Variants in PIGV observed in about 807,000 individuals in gnomAD.
PIGV encodes phosphatidylinositol glycan anchor biosynthesis class V.
In PIGV, 27 loss-of-function variants were observed where a neutral mutation model predicts 39.2. That is an observed-to-expected ratio of 0.69 (90% CI 0.51 to 0.95). The LOEUF (loss-of-function observed/expected upper bound fraction) is 0.95, where lower values mean the gene tolerates loss of function less well. Ranked by LOEUF, PIGV falls within the 40% of genes least tolerant of loss-of-function variation. PIGV has a pLI of 0.00. For synonymous variants in PIGV, 232 were observed against 241.7 expected (o/e 0.96, Z 0.37); for missense variants, 523 against 586.4 (o/e 0.89, Z 1.12).
chr1:26,790,422 CAG>C (rs1359159179), intron 1 of PIGV, among the ~76,000 whole-genome samples: 2 of 151,982 alleles, frequency 1.3e-5, no homozygotes, highest in Non-Finnish European at 2.9e-5. Context: ...AACTGAGGCT[CAG>C]AGGGACTAAT....
At chr1:26,793,999 C>A in intron 2 of PIGV, 114 bp from the exon 3 acceptor site, 2 of 979,712 alleles carry the variant, frequency 2.0e-6, no homozygotes, top group Non-Finnish European at 1.6e-6. Context: ...CCCATCTCAG[C>A]CTGCCAAAGT....
intron 1 of PIGV, 56 bp from the exon 2 acceptor site, chr1:26,790,703 G>A (rs1055453121): frequency 3.7e-6 from 3 of 819,886 alleles, no homozygotes; most frequent in Admixed American, 3.9e-5. Flanking sequence ...AGTGACGAAT[G>A]CTTTCAAGAA....
In PIGV at chr1:26,794,122, A is replaced by G. The variant is rs2081347319; in HGVS notation, c.88A>G (p.Asn30Asp). The change falls in exon 3 of 4, where the codon AAT (asparagine) becomes GAT (aspartate). Residue 30 changes from asparagine (N) to aspartate (D), a missense_variant. Physicochemically the swap from Asn to Asp is conservative, Grantham distance 23. Transcript: ENST00000674202. ...ILTLMLQALFNAIIPDHHAEA... is the reference protein window; with the variant it reads ...ILTLMLQALFDAIIPDHHAEA... Reference sequence around the variant, plus strand: ...TTTCTTTACTCCACAGGCCCTCTTCAATGCCATCATCCCAGATCACCATGC... The same window carrying G: ...TTTCTTTACTCCACAGGCCCTCTTCGATGCCATCATCCCAGATCACCATGC... The G allele has an allele frequency of 1.2e-6, 2 of 1,614,178 alleles. No homozygotes were observed. The highest frequency in any genetic ancestry group is 1.7e-6 in the Non-Finnish European group (2 of 1,180,016).
In PIGV at chr1:26,794,648, A is replaced by G. The variant is rs766452597; in HGVS notation, c.614A>G (p.Asn205Ser). 1.3e-5 allele frequency: 21 copies of G among 1,614,102 alleles called. No homozygotes were observed. Among genetic ancestry groups the G allele is most frequent in the African/African-American group, 2.7e-5 (2 of 74,930 alleles). The stretch of plus-strand genomic sequence containing the variant: ...GCCTTTGCCACTGGGGTACGCTCCA[A>G]CGGGCTGGTCAGTGTTGGCTTCCTC... ...LFAFATGVRS[N>S]GLVSVGFLMH... The change falls in exon 3 of 4, where the codon AAC becomes AGC. Residue 205 changes from asparagine to serine, a missense_variant. By Grantham distance (46) the Asn-to-Ser change is conservative. Transcript: ENST00000674202.
At chr1:26,796,692 G>A (rs1236858813) in intron 3 of PIGV, among the ~76,000 whole-genome samples, 3 of 152,138 alleles carry the variant, frequency 2.0e-5, no homozygotes, top group African/African-American at 7.2e-5. Flanking sequence ...TAAGCACGGA[G>A]GATATCTCTG....
In PIGV at chr1:26,799,474, C is replaced by T. The variant is rs531944585; in HGVS notation, c.*1630C>T. Among the ~76,000 whole-genome samples, 17 of 152,268 alleles carry T rather than the reference C, an allele frequency of 1.1e-4. No homozygotes were observed. The East Asian group carries it at 3.3e-3, about 29-fold the overall frequency. ...CACCTCTTTTATTTCCCATTTAAGC[C>T]AAAACATCCAGTAAGCAGAAACTCT... On this transcript the variant is annotated 3_prime_UTR_variant, in exon 4 of 4. Coordinates refer to ENST00000674202, the MANE Select transcript of PIGV (RefSeq NM_017837.4).
At chr1:26,797,518 G>A in intron 3 of PIGV, 45 bp from the exon 4 acceptor site, 1 of 1,577,926 alleles carries the variant, frequency 6.3e-7, no homozygotes, top group South Asian at 1.1e-5. Flanking sequence ...TTGAGTCAGT[G>A]ACATTCCAGT....
At position 26,794,747 on chromosome 1, in the gene PIGV, T is replaced by C; in HGVS notation, c.713T>C (p.Met238Thr). 3 of 1,614,258 alleles carry C rather than the reference T, an allele frequency of 1.9e-6. No individual in the cohort carries two copies. Among genetic ancestry groups the C allele is most frequent in the Non-Finnish European group, 2.5e-6 (3 of 1,180,040 alleles). ...CCTCTGAGACAGCTCTTTAAGCTGA[T>C]GGCCTCTCTGTTTCTGTCGGTGTTC... ...LNPLRQLFKLMASLFLSVFTL... is the reference protein window; with the variant it reads ...LNPLRQLFKLTASLFLSVFTL... Residue 238 changes from methionine to threonine, a missense_variant, in exon 3 of 4, where the codon ATG becomes ACG. Physicochemically the swap from Met to Thr is moderately conservative, Grantham distance 81 (BLOSUM62 -1). Transcript: ENST00000674202.
At chr1:26,791,003 T>C in intron 2 of PIGV, 110 bp downstream of exon 2, 1 of 882,602 alleles carries the variant, frequency 1.1e-6, no homozygotes, top group African/African-American at 1.6e-5. Context: ...CTCCATGTGG[T>C]TGGAACCACA....
rs1161107353 is a variant in PIGV, at chr1:26,798,623, C to T, written c.*779C>T. Among the ~76,000 whole-genome samples, 1 of 152,208 alleles carries T rather than the reference C, an allele frequency of 6.6e-6. No homozygotes were observed. The highest frequency in any genetic ancestry group is 1.5e-5 in the Non-Finnish European group (1 of 68,044). On this transcript the variant is annotated 3_prime_UTR_variant, in exon 4 of 4. Transcript: ENST00000674202. ...TCGGGAGGCTGAGGCATGAGAATTGCTTGAACTTGGAAGGCGGAGGTTTCA... is the reference window on the plus strand; with the variant it reads ...TCGGGAGGCTGAGGCATGAGAATTGTTTGAACTTGGAAGGCGGAGGTTTCA...
Position 26,794,689 on chromosome 1 carries a change from C to T in PIGV, c.655C>T (p.Gln219Ter). The T allele has an allele frequency of 1.2e-6, 2 of 1,614,180 alleles. No individual in the cohort carries two copies. The highest frequency in any genetic ancestry group is 1.7e-6 in the Non-Finnish European group (2 of 1,180,034). ...SVGFLMHSQC[Q>*]GFFSSLTMLN... is the part of the protein sequence containing the mutation. ...TGGCTTCCTCATGCATTCTCAATGC[C>T]AAGGCTTTTTCTCTTCTCTAACGAT... is the stretch of plus-strand genomic sequence containing the variant. Residue 219 changes from glutamine (Q) to a stop codon, truncating the protein, a stop_gained, in exon 3 of 4, where the codon CAA becomes TAA. Coordinates refer to ENST00000674202, the MANE Select transcript of PIGV (RefSeq NM_017837.4). LOFTEE classifies it high-confidence loss of function.
Position 26,798,125 on chromosome 1 carries a change from TAGC to T in PIGV, c.*284_*286del. The T allele has an allele frequency of 4.4e-6, 2 of 455,006 alleles. No homozygotes were observed. The highest frequency in any genetic ancestry group is 8.2e-6 in the Non-Finnish European group (2 of 245,056). 28.2% of individuals were successfully genotyped at this position (455,006 alleles called of 1,614,324 possible). A position where few individuals can be genotyped will look rare whatever the true frequency, so the allele number is the denominator to read the frequency against. On this transcript the variant is annotated 3_prime_UTR_variant, in exon 4 of 4. Coordinates refer to ENST00000674202, the MANE Select transcript of PIGV (RefSeq NM_017837.4). ...CCTGGATCTGTCTAGTCAATCAACATAGCAGAGACAGTCTTAAACCTACCATTG... is the reference window on the plus strand; with the variant it reads ...CCTGGATCTGTCTAGTCAATCAACATAGAGACAGTCTTAAACCTACCATTG...
chr1:26,790,868 G>GC lies in PIGV; in HGVS notation c.55dup (p.Arg19ProfsTer51). 6.2e-7 allele frequency: 1 copy of GC among 1,614,020 alleles called. No individual in the cohort carries two copies. Among genetic ancestry groups the GC allele is most frequent in the Non-Finnish European group, 8.5e-7 (1 of 1,179,904 alleles). Reference sequence around the variant, plus strand: ...GAGGTGCTGAGGTTTGCAGTCAGCTGCCGTATCCTGACTCTGATGCTGCAG... The same window carrying GC: ...GAGGTGCTGAGGTTTGCAGTCAGCTGCCCGTATCCTGACTCTGATGCTGCAG... On this transcript the variant is annotated frameshift_variant, in exon 2 of 4. Transcript: ENST00000674202. LOFTEE classifies it high-confidence loss of function.
chr1:26,793,786 T>C (rs1570641917), intron 2 of PIGV, among the ~76,000 whole-genome samples: 1 of 152,280 alleles, frequency 6.6e-6, no homozygotes, highest in East Asian at 1.9e-4. Flanking sequence ...TTTTTTTATT[T>C]CTAGTAGAGA....
At position 26,799,689 on chromosome 1, in the gene PIGV, C is replaced by A. The variant is rs571170219; in HGVS notation, c.*1845C>A. On this transcript the variant is annotated 3_prime_UTR_variant, in exon 4 of 4. Coordinates refer to ENST00000674202, the MANE Select transcript of PIGV (RefSeq NM_017837.4). ...AAGCATTTCCCATCCATCGCCCCAG[C>A]ACTAGGACAGCTGAGAGAATTTGGT... 9.8e-5 allele frequency among the ~76,000 whole-genome samples: 15 copies of A among 152,326 alleles called. No individual in the cohort carries two copies. The South Asian group carries it at 3.1e-3, about 32-fold the overall frequency.
At chr1:26,790,630 C>T (rs983085444) in intron 1 of PIGV, 129 bp from the exon 2 acceptor site, 1 of 622,582 alleles carries the variant, frequency 1.6e-6, no homozygotes, top group Non-Finnish European at 2.9e-6. Flanking sequence ...GATGCTTTCC[C>T]CTCATCTGGG....
In PIGV at chr1:26,795,127, A is replaced by G. The variant is rs1316594177; in HGVS notation, c.1093A>G (p.Lys365Glu). 1 of 1,614,090 alleles carries G rather than the reference A, an allele frequency of 6.2e-7. No homozygotes were observed. Among genetic ancestry groups the G allele is most frequent in the Non-Finnish European group, 8.5e-7 (1 of 1,180,000 alleles). ...TLGLQRSKNN[K>E]TLEKPDLGFL... is the part of the protein sequence containing the mutation. ...TGGGCTGCAAAGGAGCAAGAACAAT[A>G]AGACCCTAGAGAAGCCCGATCTTGG... Residue 365 changes from lysine (K) to glutamate (E), a missense_variant, in exon 3 of 4, where the codon AAG becomes GAG. By Grantham distance (56) the Lys-to-Glu change is moderately conservative. Transcript: ENST00000674202.
intron 1 of PIGV, among the ~76,000 whole-genome samples, chr1:26,790,236 G>A (rs2081292784): frequency 6.6e-6 from 1 of 152,116 alleles, no homozygotes; most frequent in Non-Finnish European, 1.5e-5. Flanking sequence ...CCCACTTTGG[G>A]GACTCTGGTT....
At chr1:26,796,814 T>G (rs1435512066) in intron 3 of PIGV, among the ~76,000 whole-genome samples, 1 of 152,210 alleles carries the variant, frequency 6.6e-6, no homozygotes, top group Non-Finnish European at 1.5e-5. Context: ...GGAGATAACC[T>G]TAACCAATGT....
Sources: gnomAD v4.1 joint callset for allele counts (sites outside exome capture counted in the v4.1 genomes callset) on GRCh38, gnomAD v4.1.1 for gene constraint, MANE v1.5 for transcripts, NCBI Gene and HGNC (gene_info 2026-07-23, HGNC 2026-07-21) for gene names.